The following CATSPERD variants were observed in gnomAD, a reference collection of about 807,000 sequenced individuals.
The protein encoded by CATSPERD is cation channel sperm-associated auxiliary subunit delta.
CATSPERD carries 86 observed loss-of-function variants against 98.1 expected under a neutral mutation model. That is an observed-to-expected ratio of 0.88 (90% confidence interval 0.74 to 1.05). The LOEUF (loss-of-function observed/expected upper bound fraction) is 1.05. Among genes scored for constraint, CATSPERD ranks in the 50% least tolerant of loss-of-function variants. The probability of loss-of-function intolerance (pLI) is 0.00; values close to 1 mark genes in which losing one functional copy is unlikely to be tolerated. For missense variants in CATSPERD, 995 were observed against 1,005.7 expected, an observed-to-expected ratio of 0.99 and a Z score of 0.14; for synonymous variants, 394 against 390.2, an observed-to-expected ratio of 1.01 and a Z score of -0.12.
At chr19:5,762,399 T>G (rs2056458170) in intron 15 of CATSPERD, among the ~76,000 whole-genome samples, 1 of 151,944 alleles carries the variant, frequency 6.6e-6, no homozygotes, top group Non-Finnish European at 1.5e-5. Flanking sequence ...TTGTGAGAAT[T>G]CACTCACTAT....
At chr19:5,747,169 CT>C (rs748726369) in intron 9 of CATSPERD, among the ~76,000 whole-genome samples, 33,431 of 105,768 alleles carry the variant, frequency 0.32, 3,528 homozygotes, top group Non-Finnish European at 0.35. Flanking sequence ...AATGGTTTCC[CT>C]TTTTTTTTTT....
rs1048805164 is a variant in CATSPERD at position 5,771,927 on chromosome 19, A to G, written c.1763+855A>G. On this transcript the variant is annotated intron_variant, in intron 19 of 21. Coordinates refer to ENST00000381624, the MANE Select transcript of CATSPERD (RefSeq NM_152784.4). ...CAGATCAGGGCCCACCCTACATCCT[A>G]TGACCTCATATAGCTTTTCTTTTTC... Among the ~76,000 whole-genome samples the G allele has an allele frequency of 1.3e-5, 2 of 151,728 alleles. 1 individual carries two copies. The highest frequency in any genetic ancestry group is 4.2e-4 in the South Asian group (2 of 4,808).
chr19:5,755,664 T>C (rs1022849457), intron 13 of CATSPERD, among the ~76,000 whole-genome samples: 2 of 151,824 alleles, frequency 1.3e-5, no homozygotes, highest in Admixed American at 1.3e-4. Flanking sequence ...TCCCAGCTAC[T>C]GGAGAGGCTG....
At chr19:5,722,575 C>G (rs2055513012) in intron 1 of CATSPERD, among the ~76,000 whole-genome samples, 1 of 152,102 alleles carries the variant, frequency 6.6e-6, no homozygotes, top group Non-Finnish European at 1.5e-5. Flanking sequence ...ATATCCAGTT[C>G]TCTCATTTCC....
intron 11 of CATSPERD, among the ~76,000 whole-genome samples, chr19:5,749,447 C>T (rs566391301): frequency 4.6e-5 from 7 of 151,852 alleles, no homozygotes; most frequent in Non-Finnish European, 1.0e-4. Flanking sequence ...GTCTCAACAA[C>T]AACAACGACA....
Position 5,724,837 on chromosome 19 carries a change from TTAATC to T in CATSPERD, c.103_107del (p.Asn35AspfsTer20), listed in dbSNP as rs774352324. 11 of 1,614,102 alleles carry T rather than the reference TTAATC, an allele frequency of 6.8e-6. No individual in the cohort carries two copies. In the East Asian group the frequency reaches 1.6e-4, roughly 23 times the overall value. ...CGCACAGTGAGGACAGGAAAAGTGT[TTAATC>T]TGATACAGGACGTTCAAGGGGTATG... is the stretch of plus-strand genomic sequence containing the variant. On this transcript the variant is annotated frameshift_variant, in exon 2 of 22. Coordinates refer to ENST00000381624, the MANE Select transcript of CATSPERD (RefSeq NM_152784.4). LOFTEE classifies it high-confidence loss of function.
intron 11 of CATSPERD, among the ~76,000 whole-genome samples, chr19:5,750,046 C>T (rs2056174632): frequency 6.6e-6 from 1 of 151,358 alleles, no homozygotes; most frequent in Non-Finnish European, 1.5e-5. Context: ...TCAGGTGATC[C>T]ACCCGCCTAG....
intron 7 of CATSPERD, 50 bp from the exon 8 acceptor site, chr19:5,744,377 C>T: frequency 4.9e-6 from 7 of 1,441,220 alleles, no homozygotes; most frequent in Non-Finnish European, 6.8e-6. Context: ...CCGACAAACA[C>T]ATGTGTATTA....
intron 18 of CATSPERD, among the ~76,000 whole-genome samples, chr19:5,768,584 C>T (rs1371609203): frequency 1.3e-5 from 2 of 151,970 alleles, no homozygotes; most frequent in Non-Finnish European, 2.9e-5. Flanking sequence ...GATCCGCCCA[C>T]CTCAGCCTCC....
chr19:5,753,266 A>T (rs773030314), intron 12 of CATSPERD, among the ~76,000 whole-genome samples: 1 of 151,692 alleles, frequency 6.6e-6, no homozygotes, highest in Non-Finnish European at 1.5e-5. Flanking sequence ...TACTCTAAAG[A>T]AACAGAAAGA....
At chr19:5,729,621 A>C (rs1318307701) in intron 3 of CATSPERD, among the ~76,000 whole-genome samples, 1 of 152,228 alleles carries the variant, frequency 6.6e-6, no homozygotes, top group African/African-American at 2.4e-5. Context: ...ACTGAAGTCC[A>C]TCCTGCCACT....
rs980091999 is a variant in CATSPERD at position 5,768,897 on chromosome 19, G to A, written c.1634+655G>A. Among the ~76,000 whole-genome samples, 5 of 152,168 alleles carry A rather than the reference G, an allele frequency of 3.3e-5. No individual in the cohort carries two copies. In the South Asian group the frequency reaches 1.0e-3, roughly 32 times the overall value. ...AAGAAGAGTTATGGCCGGGCCCGGT[G>A]GCTCACGCCTGTAATCCCTGCCGAG... On this transcript the variant is annotated intron_variant, in intron 18 of 21. Transcript: ENST00000381624.
At chr19:5,736,546 G>A (rs868413479) in intron 5 of CATSPERD, among the ~76,000 whole-genome samples, 33 of 151,552 alleles carry the variant, frequency 2.2e-4, no homozygotes, top group African/African-American at 7.3e-4. Flanking sequence ...GCGAAACTCC[G>A]TCTCTACTAA....
intron 3 of CATSPERD, among the ~76,000 whole-genome samples, chr19:5,728,537 C>G (rs951131664): frequency 6.6e-6 from 1 of 151,492 alleles, no homozygotes; most frequent in African/African-American, 2.4e-5. Context: ...GTCTGGATGT[C>G]TGGATGACAG....
chr19:5,757,938 C>G lies in CATSPERD; in HGVS notation c.1368+6C>G. 1 of 1,609,176 alleles carries G rather than the reference C, an allele frequency of 6.2e-7. No homozygotes were observed. The highest frequency in any genetic ancestry group is 8.5e-7 in the Non-Finnish European group (1 of 1,177,842). Reference sequence around the variant, plus strand: ...GGAACACCAAGTACAAACTGGTGAGCCGCGTCCCCACCAAACCCTGTCGCC... The same window carrying G: ...GGAACACCAAGTACAAACTGGTGAGGCGCGTCCCCACCAAACCCTGTCGCC... On this transcript the variant is annotated splice_donor_region_variant and intron_variant, in intron 14 of 21. Coordinates refer to ENST00000381624, the MANE Select transcript of CATSPERD (RefSeq NM_152784.4).
intron 6 of CATSPERD, among the ~76,000 whole-genome samples, chr19:5,738,027 G>T (rs936540559): frequency 6.6e-6 from 1 of 151,960 alleles, no homozygotes; most frequent in Non-Finnish European, 1.5e-5. Context: ...TCCATCTATA[G>T]TTGACCTTTG....
At chr19:5,759,175 G>A (rs957133724) in intron 15 of CATSPERD, 31 bp downstream of exon 15, 2 of 1,604,702 alleles carry the variant, frequency 1.2e-6, no homozygotes, top group Non-Finnish European at 8.5e-7. Flanking sequence ...GGCGGGGACT[G>A]GGCTGCCTAC....
chr19:5,770,606 C>A (rs1401833819), intron 18 of CATSPERD, among the ~76,000 whole-genome samples: 1 of 151,516 alleles, frequency 6.6e-6, no homozygotes, highest in Non-Finnish European at 1.5e-5. Context: ...CACAGCAAGA[C>A]CTCATCTCTA....
chr19:5,738,541 C>G (rs919040523), intron 6 of CATSPERD, among the ~76,000 whole-genome samples: 1 of 151,932 alleles, frequency 6.6e-6, no homozygotes, highest in Non-Finnish European at 1.5e-5. Flanking sequence ...GAAACAAAAA[C>G]AAACCAAAAA....
Sources: allele counts gnomAD v4.1 joint callset (sites outside exome capture counted in the v4.1 genomes callset), GRCh38; gene constraint gnomAD v4.1.1; transcripts MANE v1.5; gene names NCBI Gene and HGNC (gene_info 2026-07-23, HGNC 2026-07-21).